The following TMEM245 variants were observed in gnomAD, a reference collection of about 807,000 sequenced individuals.
TMEM245 encodes the protein protein CG-2.
In TMEM245, 69 loss-of-function variants were observed where a neutral mutation model predicts 101.2. The ratio of observed to expected loss-of-function variants is 0.68; its 90% CI spans 0.56 to 0.83. The LOEUF (loss-of-function observed/expected upper bound fraction) is 0.83, where lower values mean the gene tolerates loss of function less well. Among genes scored for constraint, TMEM245 ranks in the 40% least tolerant of loss-of-function variants. TMEM245 has a pLI of 0.00. For missense variants in TMEM245, 1,075 were observed against 1,092.8 expected (o/e 0.98, Z 0.23); for synonymous variants, 537 against 449.8 (o/e 1.19, Z -2.45).
chr9:109,041,422 T>C (rs1010658704), intron 14 of TMEM245, among the ~76,000 whole-genome samples: 15 of 149,804 alleles, frequency 1.0e-4, no homozygotes, highest in Non-Finnish European at 1.9e-4. Flanking sequence ...CTCATAGAAG[T>C]AGAGAGTAGG....
At chr9:109,044,710 A>C (rs12351863) in intron 14 of TMEM245, among the ~76,000 whole-genome samples, 4,086 of 152,060 alleles carry the variant, frequency 0.027, 188 homozygotes, top group African/African-American at 0.093. Context: ...AATGTATAGT[A>C]ATCAGATAGG....
chr9:109,064,307 C>T (rs1404174588), intron 10 of TMEM245, among the ~76,000 whole-genome samples, 170 bp downstream of exon 10: 1 of 152,154 alleles, frequency 6.6e-6, no homozygotes, highest in Non-Finnish European at 1.5e-5. Flanking sequence ...AGGGTACTAC[C>T]CCTATTCAAT....
At chr9:109,094,454 A>G (rs909409974) in intron 3 of TMEM245, among the ~76,000 whole-genome samples, 2 of 152,226 alleles carry the variant, frequency 1.3e-5, no homozygotes, top group African/African-American at 4.8e-5. Flanking sequence ...GTAATTTGAA[A>G]GCCAGAGCTC....
intron 14 of TMEM245, among the ~76,000 whole-genome samples, chr9:109,047,143 G>C (rs1218443737): frequency 1.3e-5 from 2 of 152,084 alleles, no homozygotes; most frequent in African/African-American, 4.8e-5. Flanking sequence ...TCAATTCTGA[G>C]AACCATTAGA....
intron 7 of TMEM245, among the ~76,000 whole-genome samples, chr9:109,081,984 A>C (rs1243993352): frequency 6.6e-6 from 1 of 152,248 alleles, no homozygotes; most frequent in African/African-American, 2.4e-5. Context: ...AACTAGATTA[A>C]TAACTGCTGA....
chr9:109,015,475 T>C lies in TMEM245; in HGVS notation c.*4985A>G, dbSNP rs1827410750. ...GGGCAAAGAAGGGTTTTCTTTGGGA[T>C]GGCTACAATGAGAGTTACATCTGCT... On this transcript the variant is annotated 3_prime_UTR_variant, in exon 18 of 18. Coordinates refer to ENST00000374586, the MANE Select transcript of TMEM245 (RefSeq NM_032012.4). The C allele has an allele frequency of 6.6e-6, 1 of 152,394 alleles. No individual in the cohort carries two copies. The highest frequency in any genetic ancestry group is 2.1e-4 in the South Asian group (1 of 4,834). 9.4% of individuals were successfully genotyped at this position (152,394 alleles called of 1,614,324 possible).
chr9:109,089,026 A>G (rs1377416177), intron 5 of TMEM245, among the ~76,000 whole-genome samples: 1 of 151,968 alleles, frequency 6.6e-6, no homozygotes, highest in Non-Finnish European at 1.5e-5. Context: ...GTATAGTCCC[A>G]GCACTTTGGG....
At chr9:109,089,432 T>C (rs1200677826) in intron 5 of TMEM245, among the ~76,000 whole-genome samples, 3 of 152,202 alleles carry the variant, frequency 2.0e-5, no homozygotes, top group Non-Finnish European at 4.4e-5. Context: ...CTAATAAGTT[T>C]AGACTTTTAG....
chr9:109,049,718 T>C (rs545344853), intron 14 of TMEM245, among the ~76,000 whole-genome samples: 11 of 152,132 alleles, frequency 7.2e-5, no homozygotes, highest in Non-Finnish European at 1.3e-4. Context: ...TCCCAGCTAC[T>C]TGGGAGGCTA....
chr9:109,050,535 G>A, intron 13 of TMEM245, 35 bp downstream of exon 13: 3 of 1,613,604 alleles, frequency 1.9e-6, no homozygotes, highest in African/African-American at 1.3e-5. Context: ...TAACAGGGAA[G>A]GAAATATGAC....
intron 11 of TMEM245, 139 bp downstream of exon 11, chr9:109,060,215 G>C (rs1828968167): frequency 3.2e-6 from 2 of 617,016 alleles, no homozygotes; most frequent in Non-Finnish European, 5.5e-6. Context: ...CTGACTTTTA[G>C]TGACCTGAGG....
chr9:109,038,185 G>A (rs1371831860), intron 14 of TMEM245, 68 bp from the exon 15 acceptor site: 13 of 1,205,078 alleles, frequency 1.1e-5, no homozygotes, highest in Admixed American at 4.5e-5. Flanking sequence ...GAAAAATCAC[G>A]TGACCACTTG....
At chr9:109,089,004 T>C (rs545466866) in intron 5 of TMEM245, among the ~76,000 whole-genome samples, 37 of 151,932 alleles carry the variant, frequency 2.4e-4, no homozygotes, top group African/African-American at 8.2e-4. Context: ...CCGGGGACGG[T>C]GACTCACACC....
chr9:109,071,226 C>A (rs1313548193), intron 9 of TMEM245, among the ~76,000 whole-genome samples: 1 of 152,014 alleles, frequency 6.6e-6, no homozygotes, highest in African/African-American at 2.4e-5. Context: ...GTACATGTAT[C>A]ATTAGTCCAT....
chr9:109,051,202 G>T (rs74447333), intron 12 of TMEM245, among the ~76,000 whole-genome samples: 3 of 151,628 alleles, frequency 2.0e-5, no homozygotes, highest in Non-Finnish European at 4.4e-5. Flanking sequence ...TGAGGGAGGA[G>T]AATCGCTTGA....
chr9:109,086,840 T>C (rs748624212), intron 6 of TMEM245, among the ~76,000 whole-genome samples: 4 of 152,328 alleles, frequency 2.6e-5, no homozygotes, highest in Non-Finnish European at 4.4e-5. Flanking sequence ...TCCAAAAATA[T>C]TCACTAAACT....
intron 3 of TMEM245, among the ~76,000 whole-genome samples, chr9:109,105,520 C>G (rs999496173): frequency 6.6e-5 from 10 of 152,180 alleles, no homozygotes; most frequent in African/African-American, 1.9e-4. Flanking sequence ...GAACTGAAAA[C>G]GTGTATTCAA....
intron 1 of TMEM245, among the ~76,000 whole-genome samples, chr9:109,116,909 G>C (rs1011232290): frequency 4.6e-5 from 7 of 152,102 alleles, no homozygotes; most frequent in African/African-American, 1.7e-4. Flanking sequence ...CCATCCTTAA[G>C]TGCTGCTTGA....
chr9:109,033,495 G>T lies in TMEM245; in HGVS notation c.2406C>A (p.Gly802=), dbSNP rs770052457. 1 of 1,593,698 alleles carries T rather than the reference G, an allele frequency of 6.3e-7. No individual in the cohort carries two copies. The highest frequency in any genetic ancestry group is 8.5e-7 in the Non-Finnish European group (1 of 1,171,184). The change falls in exon 17 of 18, where the codon GGC becomes GGA. Residue 802 remains glycine (G), a synonymous_variant. Coordinates refer to ENST00000374586, the MANE Select transcript of TMEM245 (RefSeq NM_032012.4). Reference sequence around the variant, plus strand: ...CTGCCAAGCCTGTCAGGTAAGGATGGCCACCTCTGGAATAAAGAGCACGAC... The same window carrying T: ...CTGCCAAGCCTGTCAGGTAAGGATGTCCACCTCTGGAATAAAGAGCACGAC... ...TAIYSDISGG[G]HPYLTGLAVA...
Sources: allele counts gnomAD v4.1 joint callset (sites outside exome capture counted in the v4.1 genomes callset), GRCh38; gene constraint gnomAD v4.1.1; transcripts MANE v1.5; gene names NCBI Gene and HGNC (gene_info 2026-07-23, HGNC 2026-07-21).